Variants in MIR2052HG observed in about 807,000 individuals in gnomAD.
MIR2052HG encodes MIR2052 host gene.
At chr8:74,658,410 A>C (rs963237167) in intron 2 of MIR2052HG, among the ~76,000 whole-genome samples, 2 of 143,402 alleles carry the variant, frequency 1.4e-5, no homozygotes, top group Non-Finnish European at 3.0e-5. Context: ...TTTCTTTTTG[A>C]GATGCAGTCT....
chr8:74,713,960 G>A (rs1296483638), intron 4 of MIR2052HG, among the ~76,000 whole-genome samples: 1 of 151,974 alleles, frequency 6.6e-6, no homozygotes, highest in African/African-American at 2.4e-5. Flanking sequence ...AAGATGGGGG[G>A]AACAGAGTTA....
At chr8:74,683,498 T>G (rs1009400610) in intron 2 of MIR2052HG, among the ~76,000 whole-genome samples, 2 of 152,150 alleles carry the variant, frequency 1.3e-5, no homozygotes, top group Non-Finnish European at 2.9e-5. Context: ...CATATTCAGA[T>G]GACTAGGTTC....
chr8:74,713,505 T>C (rs1246232300), intron 4 of MIR2052HG, among the ~76,000 whole-genome samples: 1 of 152,188 alleles, frequency 6.6e-6, no homozygotes, highest in East Asian at 1.9e-4. Flanking sequence ...TCTTCAGTTT[T>C]TTTTCATTTC....
At chr8:74,697,104 T>A (rs1809305895) in intron 2 of MIR2052HG, among the ~76,000 whole-genome samples, 1 of 151,858 alleles carries the variant, frequency 6.6e-6, no homozygotes, top group South Asian at 2.1e-4. Context: ...CTGAATCCAA[T>A]AACATACAAA....
intron 2 of MIR2052HG, among the ~76,000 whole-genome samples, chr8:74,683,573 A>G (rs985997699): frequency 6.6e-6 from 1 of 152,068 alleles, no homozygotes; most frequent in East Asian, 1.9e-4. Flanking sequence ...TCCTTGATTC[A>G]TTTTAACCAT....
intron 4 of MIR2052HG, among the ~76,000 whole-genome samples, chr8:74,722,736 C>A (rs1586923698): frequency 6.6e-6 from 1 of 152,176 alleles, no homozygotes; most frequent in East Asian, 1.9e-4. Context: ...AGAATTCATG[C>A]TGGTCAATGG....
intron 2 of MIR2052HG, among the ~76,000 whole-genome samples, chr8:74,699,416 GTATATA>G (rs139522494): frequency 1.4e-5 from 2 of 148,146 alleles, no homozygotes; most frequent in Admixed American, 6.7e-5. Flanking sequence ...GTGTGTGTGT[GTATATA>G]TATATATATA....
At chr8:74,639,419 C>G (rs962225769) in intron 2 of MIR2052HG, among the ~76,000 whole-genome samples, 2 of 152,088 alleles carry the variant, frequency 1.3e-5, no homozygotes, top group African/African-American at 2.4e-5. Flanking sequence ...CATACATATC[C>G]TAATAATCCA....
chr8:74,607,278 G>A (rs1033849668), intron 1 of MIR2052HG, among the ~76,000 whole-genome samples: 1 of 152,128 alleles, frequency 6.6e-6, no homozygotes, highest in Non-Finnish European at 1.5e-5. Context: ...AGGGGAAAAT[G>A]ATATTAAACA....
intron 1 of MIR2052HG, among the ~76,000 whole-genome samples, chr8:74,610,823 C>T (rs1808183736): frequency 6.6e-6 from 1 of 151,928 alleles, no homozygotes; most frequent in African/African-American, 2.4e-5. Context: ...CACTGCCTAC[C>T]TTACATCATA....
chr8:74,603,743 C>T, intron 1 of MIR2052HG: 1 of 854,212 alleles, frequency 1.2e-6, no homozygotes, highest in Non-Finnish European at 2.1e-6. Flanking sequence ...GGGGGGGACT[C>T]CAACATGACC....
chr8:74,757,485 A>G (rs1810016427), intron 5 of MIR2052HG: 1 of 152,240 alleles, frequency 6.6e-6, no homozygotes, highest in Admixed American at 6.5e-5. Context: ...GGTAATAATG[A>G]TAATTGCTAA....
chr8:74,735,899 C>A (rs1019225608), intron 4 of MIR2052HG, among the ~76,000 whole-genome samples: 2 of 152,174 alleles, frequency 1.3e-5, no homozygotes, highest in African/African-American at 4.8e-5. Context: ...AGAAATTTGA[C>A]ACAATAGGCA....
chr8:74,694,088 GACCC>G (rs1809270648), intron 2 of MIR2052HG, among the ~76,000 whole-genome samples: 1 of 152,088 alleles, frequency 6.6e-6, no homozygotes, highest in East Asian at 1.9e-4. Flanking sequence ...TATAACCAAG[GACCC>G]TCACAAAGTC....
At chr8:74,631,285 T>C (rs1808507869) in intron 2 of MIR2052HG, among the ~76,000 whole-genome samples, 1 of 152,220 alleles carries the variant, frequency 6.6e-6, no homozygotes, top group African/African-American at 2.4e-5. Context: ...TACATCTGCA[T>C]CTTTTCCAAC....
At chr8:74,734,390 A>G (rs1167886062) in intron 4 of MIR2052HG, among the ~76,000 whole-genome samples, 1 of 152,216 alleles carries the variant, frequency 6.6e-6, no homozygotes, top group Non-Finnish European at 1.5e-5. Context: ...TTCTCAAATG[A>G]GTTTGTAATC....
chr8:74,613,479 C>T (rs1238725337), intron 2 of MIR2052HG, among the ~76,000 whole-genome samples: 1 of 152,048 alleles, frequency 6.6e-6, no homozygotes, highest in Non-Finnish European at 1.5e-5. Flanking sequence ...GGCTTGATGG[C>T]AGGGATTCAT....
intron 2 of MIR2052HG, among the ~76,000 whole-genome samples, chr8:74,627,683 A>T (rs1216809233): frequency 6.6e-6 from 1 of 152,210 alleles, no homozygotes; most frequent in African/African-American, 2.4e-5. Context: ...TAATTGTGTC[A>T]GTTATCCATT....
intron 4 of MIR2052HG, among the ~76,000 whole-genome samples, chr8:74,736,021 T>C (rs757121814): frequency 5.3e-5 from 8 of 152,180 alleles, no homozygotes; most frequent in Non-Finnish European, 1.2e-4. Flanking sequence ...TAATTGAAAG[T>C]ATCCTCTACT....
Sources: allele counts gnomAD v4.1 joint callset (sites outside exome capture counted in the v4.1 genomes callset), GRCh38; gene constraint gnomAD v4.1.1; transcripts MANE v1.5; gene names NCBI Gene and HGNC (gene_info 2026-07-23, HGNC 2026-07-21).